Variants in ULK4 observed in about 807,000 individuals in gnomAD.
The protein encoded by ULK4 is inactive serine/threonine-protein kinase ULK4.
ULK4 carries 133 observed loss-of-function variants against 160.6 expected under a neutral mutation model. The ratio of observed to expected loss-of-function variants is 0.83; its 90% confidence interval spans 0.72 to 0.96. The LOEUF (loss-of-function observed/expected upper bound fraction) is 0.96. ULK4 is among the 40% of genes least tolerant of loss of function. ULK4 has a pLI of 0.00. For missense variants in ULK4, 1,580 were observed against 1,499.5 expected, an observed-to-expected ratio of 1.05 and a Z score of -0.89; for synonymous variants, 534 against 539.8, an observed-to-expected ratio of 0.99 and a Z score of 0.15.
At chr3:41,622,564 A>T (rs1670253941) in intron 30 of ULK4, among the ~76,000 whole-genome samples, 1 of 152,062 alleles carries the variant, frequency 6.6e-6, no homozygotes, top group African/African-American at 2.4e-5. Flanking sequence ...ACACATGGAC[A>T]CAAGGAGGGG....
rs137986333 is a variant in ULK4 at position 41,574,380 on chromosome 3, C to T, written c.3121-8250G>A. Among the ~76,000 whole-genome samples, 1,137 of 152,048 alleles carry T rather than the reference C, an allele frequency of 7.5e-3. 10 individuals are homozygous for T. The highest frequency in any genetic ancestry group is 0.034 in the Middle Eastern group (10 of 294). Reference sequence around the variant, plus strand: ...CATCTAGTCAGCCACAAAGTACCCTCGAATCTCCCTTGAGCCCCTCTTGCA... The same window carrying T: ...CATCTAGTCAGCCACAAAGTACCCTTGAATCTCCCTTGAGCCCCTCTTGCA... On this transcript the variant is annotated intron_variant, in intron 31 of 36. Coordinates refer to ENST00000301831, the MANE Select transcript of ULK4 (RefSeq NM_017886.4).
intron 17 of ULK4, among the ~76,000 whole-genome samples, chr3:41,856,548 T>C (rs1575835336): frequency 1.6e-5 from 1 of 62,928 alleles, no homozygotes; most frequent in East Asian, 4.4e-4. Flanking sequence ...TATATATATA[T>C]GTGTATATAT....
chr3:41,372,993 G>T (rs1316748113), intron 35 of ULK4, among the ~76,000 whole-genome samples: 3 of 152,122 alleles, frequency 2.0e-5, no homozygotes, highest in Admixed American at 2.0e-4. Context: ...TGCAATCCTA[G>T]TCTCTGATAA....
intron 14 of ULK4, among the ~76,000 whole-genome samples, chr3:41,897,890 G>T (rs1197489668): frequency 1.3e-5 from 2 of 151,980 alleles, no homozygotes; most frequent in East Asian, 3.9e-4. Context: ...TTTGTTAAAC[G>T]AAAAAACCAA....
At chr3:41,632,765 T>C (rs1007440233) in intron 30 of ULK4, among the ~76,000 whole-genome samples, 1 of 151,976 alleles carries the variant, frequency 6.6e-6, no homozygotes, top group Non-Finnish European at 1.5e-5. Flanking sequence ...AGTTAGACAT[T>C]ACTATCTTTT....
Position 41,835,850 on chromosome 3 carries a change from TCAGA to T in ULK4, c.1764+10_1764+13del, listed in dbSNP as rs779674033. ...ACATGTCAAACAGCAACAGAGTTAATCAGACAGTCTCACCTGGGTGGCTACAAGA... is the reference window on the plus strand; with the variant it reads ...ACATGTCAAACAGCAACAGAGTTAATCAGTCTCACCTGGGTGGCTACAAGA... On this transcript the variant is annotated intron_variant, in intron 18 of 36. Coordinates refer to ENST00000301831, the MANE Select transcript of ULK4 (RefSeq NM_017886.4). The T allele has an allele frequency of 2.5e-5, 38 of 1,548,104 alleles. No homozygotes were observed. Among genetic ancestry groups the T allele is most frequent in the Middle Eastern group, 1.7e-4 (1 of 5,926 alleles).
chr3:41,319,575 G>T (rs1424378049), intron 35 of ULK4, among the ~76,000 whole-genome samples: 1 of 152,162 alleles, frequency 6.6e-6, no homozygotes, highest in South Asian at 2.1e-4. Flanking sequence ...CTTGGTACAT[G>T]GTCAAAGTAG....
chr3:41,483,925 G>A (rs2084416250), intron 32 of ULK4, among the ~76,000 whole-genome samples: 1 of 152,180 alleles, frequency 6.6e-6, no homozygotes, highest in South Asian at 2.1e-4. Context: ...GGGGGCCTCT[G>A]AGGCTATTCA....
At chr3:41,655,152 A>T (rs2034883826) in intron 30 of ULK4, among the ~76,000 whole-genome samples, 1 of 152,078 alleles carries the variant, frequency 6.6e-6, no homozygotes, top group African/African-American at 2.4e-5. Context: ...CTACAAAAAA[A>T]AAAATCGTTT....
At chr3:41,958,529 T>G (rs909400314) in intron 1 of ULK4, among the ~76,000 whole-genome samples, 2 of 146,884 alleles carry the variant, frequency 1.4e-5, no homozygotes, top group African/African-American at 5.1e-5. Context: ...TGGTGAAACC[T>G]CATCTCTACT....
intron 27 of ULK4, among the ~76,000 whole-genome samples, chr3:41,702,159 T>G (rs373718591): frequency 1.9e-3 from 284 of 151,790 alleles, no homozygotes; most frequent in East Asian, 0.01. Flanking sequence ...ATGTATGTAT[T>G]TATTTATTTA....
At chr3:41,292,936 A>G (rs2079599617) in intron 35 of ULK4, among the ~76,000 whole-genome samples, 1 of 151,856 alleles carries the variant, frequency 6.6e-6, no homozygotes, top group Admixed American at 6.6e-5. Flanking sequence ...AGAGCAAGAC[A>G]CCGTCTCAAA....
At chr3:41,784,537 T>C (rs1025069944) in intron 21 of ULK4, among the ~76,000 whole-genome samples, 5 of 152,230 alleles carry the variant, frequency 3.3e-5, no homozygotes, top group Admixed American at 1.3e-4. Flanking sequence ...TTGTGATTGT[T>C]CACTTTTAAC....
In ULK4 at chr3:41,715,531, A is replaced by C. The variant is rs549148196; in HGVS notation, c.2493T>G (p.Arg831=). The change falls in exon 24 of 37, where the codon CGT becomes CGG. Residue 831 remains arginine, a synonymous_variant. Transcript: ENST00000301831. Reference sequence around the variant, plus strand: ...TCACTTGAACTGTTGATGGGTGTTTACGTCCAGAAACATTAGCCAAGGAGT... The same window carrying C: ...TCACTTGAACTGTTGATGGGTGTTTCCGTCCAGAAACATTAGCCAAGGAGT... ...ILNSLANVSG[R]KHPSTVQVKQ... is the part of the protein sequence containing the mutation. 1.2e-5 allele frequency: 19 copies of C among 1,614,132 alleles called. 1 individual carries two copies. The highest frequency in any genetic ancestry group is 1.7e-4 in the Middle Eastern group (1 of 6,060).
rs527813825 is a variant in ULK4, at chr3:41,665,234, T to C, written c.2979-1535A>G. On this transcript the variant is annotated intron_variant, in intron 29 of 36. Coordinates refer to ENST00000301831, the MANE Select transcript of ULK4 (RefSeq NM_017886.4). ...TCATTGTATAACAAGCCTAATTATA[T>C]AGCCTGTAAGCCCACAACCATTAAA... Among the ~76,000 whole-genome samples, 38 of 152,206 alleles carry C rather than the reference T, an allele frequency of 2.5e-4. 1 individual carries two copies. In the South Asian group the frequency reaches 6.6e-3, roughly 27 times the overall value.
chr3:41,903,395 G>A (rs554220620), intron 12 of ULK4, among the ~76,000 whole-genome samples: 125 of 152,228 alleles, frequency 8.2e-4, no homozygotes, highest in African/African-American at 2.9e-3. Context: ...GACCAGTCTG[G>A]CCAAAATGGT....
In ULK4 at chr3:41,321,835, T is replaced by C. The variant is rs1005194940; in HGVS notation, c.3679-72261A>G. The stretch of plus-strand genomic sequence containing the variant: ...CTCTGTGCCTGCGGCCCCTCCCAAG[T>C]GTTGGCAGGCCACTGTGCATGCGGA... On this transcript the variant is annotated intron_variant, in intron 35 of 36. Coordinates refer to ENST00000301831, the MANE Select transcript of ULK4 (RefSeq NM_017886.4). 2.1e-5 allele frequency among the ~76,000 whole-genome samples: 3 copies of C among 143,808 alleles called. 1 individual carries two copies. The highest frequency in any genetic ancestry group is 8.2e-5 in the African/African-American group (3 of 36,712). The allele number at this position is 143,808 out of a possible 152,430, so 94.3% of individuals were successfully genotyped here.
chr3:41,333,484 C>A (rs1036160475), intron 35 of ULK4, among the ~76,000 whole-genome samples: 1 of 152,006 alleles, frequency 6.6e-6, no homozygotes, highest in South Asian at 2.1e-4. Flanking sequence ...CCAAAATCAG[C>A]GGATGTTTCT....
rs556006353 is a variant in ULK4 at position 41,361,643 on chromosome 3, C to T, written c.3678+36436G>A. Among the ~76,000 whole-genome samples the T allele has an allele frequency of 1.1e-3, 164 of 152,226 alleles. 2 individuals carry two copies. Among genetic ancestry groups the T allele is most frequent in the African/African-American group, 3.2e-3 (135 of 41,548 alleles). On this transcript the variant is annotated intron_variant, in intron 35 of 36. Coordinates refer to ENST00000301831, the MANE Select transcript of ULK4 (RefSeq NM_017886.4). ...ATATCCCGATGTGACTGACTAGAAC[C>T]TTTTTTTAAAGCAGCATTTTATTGG...
Sources: allele counts gnomAD v4.1 joint callset (sites outside exome capture counted in the v4.1 genomes callset), GRCh38; gene constraint gnomAD v4.1.1; transcripts MANE v1.5; gene names NCBI Gene and HGNC (gene_info 2026-07-23, HGNC 2026-07-21).